FSTL5: variants seen among roughly 807,000 people sequenced by gnomAD.
FSTL5 encodes the protein follistatin like 5, also known as follistatin-related protein 5.
A neutral mutation model predicts 89.1 loss-of-function variants in FSTL5; 62 were observed. That is an observed-to-expected ratio of 0.70 (90% CI 0.57 to 0.86). FSTL5 has a LOEUF of 0.86. Ranked by LOEUF, FSTL5 falls within the 40% of genes least tolerant of loss-of-function variation. The pLI, the probability that FSTL5 is intolerant of heterozygous loss-of-function variation, is 0.00. For synonymous variants in FSTL5, 383 were observed against 346.2 expected, an observed-to-expected ratio of 1.11 and a Z score of -1.18; for missense variants, 1,057 against 1,001.6, an observed-to-expected ratio of 1.06 and a Z score of -0.75.
intron 4 of FSTL5, among the ~76,000 whole-genome samples, chr4:161,784,843 A>G (rs13104547): frequency 7.2e-6 from 1 of 139,354 alleles, no homozygotes; most frequent in South Asian, 2.4e-4. Flanking sequence ...GCAGTGAGCC[A>G]AGATCGCGCC....
At chr4:161,489,083 A>G (rs1729779558) in intron 12 of FSTL5, among the ~76,000 whole-genome samples, 1 of 152,130 alleles carries the variant, frequency 6.6e-6, no homozygotes, top group African/African-American at 2.4e-5. Context: ...GTGGTTTTTA[A>G]AAATATTGAA....
intron 3 of FSTL5, among the ~76,000 whole-genome samples, chr4:161,966,515 A>G (rs1735331451): frequency 6.6e-6 from 1 of 152,114 alleles, no homozygotes; most frequent in Non-Finnish European, 1.5e-5. Flanking sequence ...TACAGAGATG[A>G]TAAAGTTACT....
chr4:161,424,792 C>A (rs1047685513), intron 15 of FSTL5, among the ~76,000 whole-genome samples: 1 of 152,118 alleles, frequency 6.6e-6, no homozygotes, highest in Non-Finnish European at 1.5e-5. Flanking sequence ...TACTAAATAT[C>A]GGATAATCAA....
intron 6 of FSTL5, among the ~76,000 whole-genome samples, chr4:161,722,418 T>C (rs1739248431): frequency 6.6e-6 from 1 of 152,162 alleles, no homozygotes; most frequent in African/African-American, 2.4e-5. Flanking sequence ...TCTTTGTCTA[T>C]CACATTACTC....
intron 7 of FSTL5, among the ~76,000 whole-genome samples, chr4:161,588,656 C>T (rs765155615): frequency 6.6e-6 from 1 of 152,086 alleles, no homozygotes; most frequent in Non-Finnish European, 1.5e-5. Context: ...GAAAGGTTCA[C>T]AATAGCCCAC....
At chr4:162,153,378 T>G (rs1733305637) in intron 1 of FSTL5, among the ~76,000 whole-genome samples, 1 of 151,836 alleles carries the variant, frequency 6.6e-6, no homozygotes, top group African/African-American at 2.4e-5. Flanking sequence ...ATACTTTACC[T>G]GTTTTACTTT....
chr4:161,679,290 A>T lies in FSTL5; in HGVS notation c.728-22796T>A, dbSNP rs76123840. On this transcript the variant is annotated intron_variant, in intron 6 of 15. Coordinates refer to ENST00000306100, the MANE Select transcript of FSTL5 (RefSeq NM_020116.5). Reference sequence around the variant, plus strand: ...TTCACAAATGACAATGATAGCTAACATACATTGAGTATCTACTATAAGCTA... The same window carrying T: ...TTCACAAATGACAATGATAGCTAACTTACATTGAGTATCTACTATAAGCTA... 6.7e-3 allele frequency among the ~76,000 whole-genome samples: 1,011 copies of T among 151,938 alleles called. 10 individuals carry two copies. The highest frequency in any genetic ancestry group is 0.022 in the African/African-American group (923 of 41,564).
intron 4 of FSTL5, among the ~76,000 whole-genome samples, chr4:161,856,137 G>T (rs1034902644): frequency 2.0e-5 from 3 of 152,044 alleles, no homozygotes; most frequent in African/African-American, 7.2e-5. Context: ...ATCTTTTGAG[G>T]TTGAGGAAAC....
intron 15 of FSTL5, among the ~76,000 whole-genome samples, chr4:161,391,273 A>G (rs1324891542): frequency 6.6e-6 from 1 of 152,192 alleles, no homozygotes; most frequent in African/African-American, 2.4e-5. Context: ...AAAACACATG[A>G]TTAAGTGGTT....
chr4:162,162,077 C>T (rs1456479925), intron 1 of FSTL5, among the ~76,000 whole-genome samples: 1 of 152,010 alleles, frequency 6.6e-6, no homozygotes, highest in African/African-American at 2.4e-5. Context: ...AACATGTGAA[C>T]AACTTCAAAA....
intron 2 of FSTL5, among the ~76,000 whole-genome samples, chr4:162,067,164 C>T (rs573676907): frequency 1.0e-3 from 155 of 152,194 alleles, no homozygotes; most frequent in African/African-American, 3.4e-3. Context: ...TAACCTCACC[C>T]ACCCAAATAG....
intron 6 of FSTL5, among the ~76,000 whole-genome samples, chr4:161,723,809 C>A (rs1739299115): frequency 6.6e-6 from 1 of 151,924 alleles, no homozygotes; most frequent in Non-Finnish European, 1.5e-5. Flanking sequence ...AGAAAACAAA[C>A]CAACATCAGA....
chr4:161,750,766 T>C (rs1740366609), intron 6 of FSTL5, among the ~76,000 whole-genome samples: 1 of 152,136 alleles, frequency 6.6e-6, no homozygotes, highest in Admixed American at 6.5e-5. Context: ...AAAAACATAA[T>C]CCTTAGGCAA....
At chr4:161,756,998 G>A (rs1740592791) in intron 6 of FSTL5, among the ~76,000 whole-genome samples, 1 of 152,160 alleles carries the variant, frequency 6.6e-6, no homozygotes, top group Non-Finnish European at 1.5e-5. Flanking sequence ...GTGGTTAGGA[G>A]ATTAGACTGC....
intron 2 of FSTL5, among the ~76,000 whole-genome samples, chr4:162,109,549 G>A (rs988445077): frequency 3.3e-5 from 5 of 152,022 alleles, no homozygotes; most frequent in African/African-American, 4.8e-5. Context: ...AGGTATTAGT[G>A]CTTCTCGAAC....
intron 3 of FSTL5, among the ~76,000 whole-genome samples, chr4:161,948,054 A>C (rs1288573294): frequency 1.3e-5 from 2 of 152,038 alleles, no homozygotes; most frequent in Non-Finnish European, 1.5e-5. Context: ...AGGTGGCAGA[A>C]TCGCTTGAGT....
At chr4:162,115,878 A>G (rs775614285) in intron 1 of FSTL5, among the ~76,000 whole-genome samples, 1 of 152,094 alleles carries the variant, frequency 6.6e-6, no homozygotes, top group Non-Finnish European at 1.5e-5. Flanking sequence ...AATTTGAGGG[A>G]TTTTGATATG....
intron 8 of FSTL5, among the ~76,000 whole-genome samples, chr4:161,575,301 T>A (rs752254390): frequency 7.3e-4 from 111 of 152,210 alleles, no homozygotes; most frequent in Non-Finnish European, 1.2e-3. Context: ...AGGTTGCCTG[T>A]TCACTTTGAT....
At chr4:162,100,249 A>G (rs556643969) in intron 2 of FSTL5, among the ~76,000 whole-genome samples, 353 of 152,240 alleles carry the variant, frequency 2.3e-3, no homozygotes, top group African/African-American at 7.9e-3. Context: ...AAAATCAATG[A>G]GCTATTGCAC....
Sources: gnomAD v4.1 joint callset for allele counts (sites outside exome capture counted in the v4.1 genomes callset) on GRCh38, gnomAD v4.1.1 for gene constraint, MANE v1.5 for transcripts, NCBI Gene and HGNC (gene_info 2026-07-23, HGNC 2026-07-21) for gene names.